The following PRDM8 variants were observed in gnomAD, a reference collection of about 807,000 sequenced individuals.
PRDM8 encodes PR/SET domain 8.
PRDM8 carries 13 observed loss-of-function variants against 46.5 expected under a neutral mutation model. That is an observed-to-expected ratio of 0.28 (90% CI 0.18 to 0.44). The LOEUF (loss-of-function observed/expected upper bound fraction) is 0.44, where lower values mean the gene tolerates loss of function less well. Ranked by LOEUF, PRDM8 falls within the 20% of genes least tolerant of loss-of-function variation. PRDM8 has a pLI of 1.00. For missense variants in PRDM8, 998 were observed against 955.0 expected, an observed-to-expected ratio of 1.04 and a Z score of -0.59; for synonymous variants, 473 against 438.4, an observed-to-expected ratio of 1.08 and a Z score of -0.98.
At chr4:80,193,963 T>C (rs1405266985), upstream of PRDM8, 1 of 152,252 alleles carries the variant, frequency 6.6e-6, no homozygotes, top group Non-Finnish European at 1.5e-5. Flanking sequence ...ACGTGAATTA[T>C]TCTTGGAGAT....
chr4:80,201,693 G>A (rs1350716757), intron 3 of PRDM8, among the ~76,000 whole-genome samples, 172 bp downstream of exon 3: 3 of 152,174 alleles, frequency 2.0e-5, no homozygotes, highest in African/African-American at 4.8e-5. Context: ...AGGATAAAGC[G>A]AGGAAACTTG....
Position 80,202,370 on chromosome 4 carries a change from A to ACGGCATCGCCACGGGCGG in PRDM8, c.914_931dup (p.Ile305_Gly310dup). ...CACCAGGAGGCGGAGCTGAGTCCCGACGGCATCGCCACGGGCGGCGGCAAA... is the reference window on the plus strand; with the variant it reads ...CACCAGGAGGCGGAGCTGAGTCCCGACGGCATCGCCACGGGCGGCGGCATCGCCACGGGCGGCGGCAAA... On this transcript the variant is annotated inframe_insertion, in exon 4 of 4. Transcript: ENST00000415738. The ACGGCATCGCCACGGGCGG allele has an allele frequency of 6.3e-7, 1 of 1,591,064 alleles. No individual in the cohort carries two copies. The highest frequency in any genetic ancestry group is 1.1e-5 in the South Asian group (1 of 89,656).
At position 80,203,451 on chromosome 4, in the gene PRDM8, G is replaced by A. The variant is rs1251893424; in HGVS notation, c.1989G>A (p.Glu663=). The A allele has an allele frequency of 6.2e-7, 1 of 1,613,306 alleles. No homozygotes were observed. The highest frequency in any genetic ancestry group is 8.5e-7 in the Non-Finnish European group (1 of 1,179,796). ...AMEPLVKRRR[E]EKLKCPICNE... ...AGCCCTTGGTGAAGCGGCGGCGAGAGGAGAAACTCAAGTGCCCCATCTGCA... is the reference window on the plus strand; with the variant it reads ...AGCCCTTGGTGAAGCGGCGGCGAGAAGAGAAACTCAAGTGCCCCATCTGCA... The change falls in exon 4 of 4, where the codon GAG becomes GAA. Residue 663 remains glutamate (E), a synonymous_variant. Coordinates refer to ENST00000415738, the MANE Select transcript of PRDM8 (RefSeq NM_001099403.2).
upstream of PRDM8, chr4:80,197,001 G>A (rs1578254108): frequency 1.0e-6 from 1 of 985,430 alleles, no homozygotes; most frequent in South Asian, 4.7e-5. Context: ...GAAGAGAGAC[G>A]ACGCCCGTTT....
In PRDM8 at chr4:80,202,879, A is replaced by AGCGGTGGGGGCGGAACGG; in HGVS notation, c.1421_1438dup (p.Gly474_Gly479dup). 7.8e-7 allele frequency: 1 copy of AGCGGTGGGGGCGGAACGG among 1,281,930 alleles called. No homozygotes were observed. Among genetic ancestry groups the AGCGGTGGGGGCGGAACGG allele is most frequent in the Non-Finnish European group, 9.8e-7 (1 of 1,023,040 alleles). 79.4% of individuals were successfully genotyped at this position (1,281,930 alleles called of 1,614,324 possible). A position where few individuals can be genotyped will look rare whatever the true frequency, so the allele number is the denominator to read the frequency against. Reference sequence around the variant, plus strand: ...GCAGCTGGGCAGCGCGGGCAGCACCAGCGGTGGGGGCGGAACGGGCGCCGG... The same window carrying AGCGGTGGGGGCGGAACGG: ...GCAGCTGGGCAGCGCGGGCAGCACCAGCGGTGGGGGCGGAACGGGCGGTGGGGGCGGAACGGGCGCCGG... On this transcript the variant is annotated inframe_insertion, in exon 4 of 4. Coordinates refer to ENST00000415738, the MANE Select transcript of PRDM8 (RefSeq NM_001099403.2).
In PRDM8 at chr4:80,202,973, C is replaced by CAGCACGCTCTTTCTCGCAGCT. The variant is rs1738662359; in HGVS notation, c.1512_1532dup (p.Ala505_Leu511dup). 1.3e-6 allele frequency: 2 copies of CAGCACGCTCTTTCTCGCAGCT among 1,498,602 alleles called. No homozygotes were observed. Among genetic ancestry groups the CAGCACGCTCTTTCTCGCAGCT allele is most frequent in the Non-Finnish European group, 1.8e-6 (2 of 1,132,522 alleles). The allele number at this position is 1,498,602 out of a possible 1,614,324, so 92.8% of individuals were successfully genotyped here. A position where few individuals can be genotyped will look rare whatever the true frequency, so the allele number is the denominator to read the frequency against. On this transcript the variant is annotated inframe_insertion, in exon 4 of 4. Transcript: ENST00000415738. ...GAGCGCAAAAGCGCCTTCTCGCAGC[C>CAGCACGCTCTTTCTCGCAGCT]AGCACGCTCTTTCTCGCAGCTGTCC...
chr4:80,191,464 T>C lies in PRDM8; in HGVS notation c.-982-8T>C, dbSNP rs565886884. 3.9e-5 allele frequency: 6 copies of C among 152,184 alleles called. No homozygotes were observed. In the South Asian group the frequency reaches 1.2e-3, roughly 32 times the overall value. The allele number at this position is 152,184 out of a possible 1,614,324, so 9.4% of individuals were successfully genotyped here. On this transcript the variant is annotated splice_polypyrimidine_tract_variant and splice_region_variant and intron_variant, in intron 1 of 9. Transcript: ENST00000339711. Reference sequence around the variant, plus strand: ...ATTATGAATAATACCACGGTTACTATATTACAGATACTATCAAATCAGCCT... The same window carrying C: ...ATTATGAATAATACCACGGTTACTACATTACAGATACTATCAAATCAGCCT...
In PRDM8 at chr4:80,203,606, C is replaced by A; in HGVS notation, c.*74C>A. On this transcript the variant is annotated 3_prime_UTR_variant, in exon 4 of 4. Transcript: ENST00000415738. Reference sequence around the variant, plus strand: ...ACCTGCAGGAATAAACACGCGAGAACATCCACCGCTTCCTTGCACCCCGAA... The same window carrying A: ...ACCTGCAGGAATAAACACGCGAGAAAATCCACCGCTTCCTTGCACCCCGAA... 3 of 1,492,608 alleles carry A rather than the reference C, an allele frequency of 2.0e-6. No homozygotes were observed. The highest frequency in any genetic ancestry group is 1.3e-5 in the South Asian group (1 of 74,610). 92.5% of individuals were successfully genotyped at this position (1,492,608 alleles called of 1,614,324 possible).
chr4:80,196,067 A>G, upstream of PRDM8: 1 of 985,214 alleles, frequency 1.0e-6, no homozygotes, highest in African/African-American at 1.7e-5. Flanking sequence ...CAAAGCCTCA[A>G]TACCCCACTG....
chr4:80,186,295 T>TC (rs202029313), intron 1 of PRDM8, among the ~76,000 whole-genome samples: 3 of 151,702 alleles, frequency 2.0e-5, no homozygotes, highest in Non-Finnish European at 2.9e-5. Context: ...CCTTTTTTTT[T>TC]CCAGAACTGG....
exon 1 of PRDM8, chr4:80,185,489 G>GC (rs1737001674): frequency 6.6e-6 from 1 of 152,352 alleles, no homozygotes; most frequent in Admixed American, 6.5e-5. Context: ...CCGGCAAGGA[G>GC]CCCGGAAAAT....
intron 2 of PRDM8, among the ~76,000 whole-genome samples, chr4:80,191,725 T>G (rs1200256197): frequency 3.3e-5 from 5 of 152,216 alleles, no homozygotes; most frequent in African/African-American, 9.6e-5. Context: ...TTCTGAAAAC[T>G]AACACCTCTT....
chr4:80,191,838 GT>G (rs1737570187), intron 2 of PRDM8, among the ~76,000 whole-genome samples: 1 of 152,196 alleles, frequency 6.6e-6, no homozygotes, highest in South Asian at 2.1e-4. Context: ...ATGAAAGATA[GT>G]TTTCACTCAG....
rs763341696 is a variant in PRDM8 at position 80,201,495 on chromosome 4, C to G, written c.425C>G (p.Pro142Arg). 3 of 1,614,038 alleles carry G rather than the reference C, an allele frequency of 1.9e-6. No homozygotes were observed. The South Asian group carries it at 3.3e-5, about 18-fold the overall frequency. ...CTGACTGAGTTACTCTTGCTCTGCC[C>G]CTCTAGATCCCACAACAAAATGAAT... Reference protein sequence around the residue: ...KELTELLLLCPSRSHNKMNGS... With the variant: ...KELTELLLLCRSRSHNKMNGS... The change falls in exon 3 of 4, where the codon CCC (proline) becomes CGC (arginine). Residue 142 changes from proline (P) to arginine (R), a missense_variant. Transcript: ENST00000415738.
chr4:80,201,769 G>C, intron 3 of PRDM8, 145 bp from the exon 4 acceptor site: 1 of 1,239,808 alleles, frequency 8.1e-7, no homozygotes, highest in Non-Finnish European at 1.1e-6. Flanking sequence ...TCTTTTCTCA[G>C]GCACTCAGGC....
Position 80,202,820 on chromosome 4 carries a change from G to A in PRDM8, c.1358G>A (p.Ser453Asn). 6.5e-6 allele frequency: 8 copies of A among 1,228,956 alleles called. No individual in the cohort carries two copies. The highest frequency in any genetic ancestry group is 8.1e-6 in the Non-Finnish European group (8 of 989,096). 76.1% of individuals were successfully genotyped at this position (1,228,956 alleles called of 1,614,324 possible). ...CTGCCCAGCCGGCTCGAGGGCGGCA[G>A]TCCTGCGAGGGGCAGCGCCTTCACT... Reference protein sequence around the residue: ...GPLPSRLEGGSPARGSAFTSV... With the variant: ...GPLPSRLEGGNPARGSAFTSV... Residue 453 changes from serine to asparagine, a missense_variant, in exon 4 of 4, where the codon AGT becomes AAT. Ser to Asn is a conservative substitution (Grantham distance 46, BLOSUM62 1). Transcript: ENST00000415738.
intron 3 of PRDM8, 105 bp downstream of exon 3, chr4:80,201,626 G>T: frequency 8.5e-7 from 1 of 1,178,540 alleles, no homozygotes; most frequent in East Asian, 2.5e-5. Context: ...CTTCCCTTCG[G>T]GTGTCTCATA....
rs750098513 is a variant in PRDM8, at chr4:80,203,482, T to C, written c.2020T>C (p.Ser674Pro). Residue 674 changes from serine to proline, a missense_variant, in exon 4 of 4, where the codon TCC becomes CCC. Transcript: ENST00000415738. ...EKLKCPICNESFRERHHLSRH... is the reference protein window; with the variant it reads ...EKLKCPICNEPFRERHHLSRH... ...ACTCAAGTGCCCCATCTGCAATGAG[T>C]CCTTCAGGGAGCGCCACCACCTCTC... 1.2e-5 allele frequency: 19 copies of C among 1,613,018 alleles called. No individual in the cohort carries two copies. The South Asian group carries it at 1.7e-4, about 14-fold the overall frequency.
At chr4:80,192,321 G>A (rs1175007735) in intron 2 of PRDM8, among the ~76,000 whole-genome samples, 1 of 152,192 alleles carries the variant, frequency 6.6e-6, no homozygotes, top group Non-Finnish European at 1.5e-5. Flanking sequence ...ACCTAAAACA[G>A]AGAAGAAAAG....
Sources: gnomAD v4.1 joint callset for allele counts (sites outside exome capture counted in the v4.1 genomes callset) on GRCh38, gnomAD v4.1.1 for gene constraint, MANE v1.5 for transcripts, NCBI Gene and HGNC (gene_info 2026-07-23, HGNC 2026-07-21) for gene names.